The following ARMC3 variants were observed in gnomAD, a reference collection of about 807,000 sequenced individuals.
ARMC3 encodes armadillo repeat-containing protein 3.
Under a neutral mutation model 90.3 loss-of-function variants are expected in ARMC3, and 74 were observed. The observed-to-expected ratio is 0.82, with a 90% CI of 0.68 to 0.99. The LOEUF is 0.99. ARMC3 is among the 50% of genes least tolerant of loss of function. The pLI is 0.00. For synonymous variants in ARMC3, 334 were observed against 361.8 expected, an observed-to-expected ratio of 0.92 and a Z score of 0.87; for missense variants, 958 against 1,042.8, an observed-to-expected ratio of 0.92 and a Z score of 1.12.
Position 23,027,868 on chromosome 10 carries a change from C to T in ARMC3, c.2046-2728C>T, listed in dbSNP as rs188084808. Among the ~76,000 whole-genome samples the T allele has an allele frequency of 7.9e-5, 12 of 152,144 alleles. No individual in the cohort carries two copies. The East Asian group carries it at 9.6e-4, about 12-fold the overall frequency. On this transcript the variant is annotated intron_variant, in intron 16 of 18. Coordinates refer to ENST00000298032, the MANE Select transcript of ARMC3 (RefSeq NM_173081.5). ...CAATCTTTTGTTTTCTATCCAGGCA[C>T]GGTGGCTCAAACCTGTAATCGCAGC...
At chr10:22,934,275 G>T (rs941318446) in intron 2 of ARMC3, among the ~76,000 whole-genome samples, 9 of 152,132 alleles carry the variant, frequency 5.9e-5, no homozygotes, top group African/African-American at 1.9e-4. Context: ...AGAACAAAAA[G>T]CTCCCTTTGC....
At chr10:22,969,311 A>C (rs1835581674) in intron 8 of ARMC3, among the ~76,000 whole-genome samples, 1 of 152,218 alleles carries the variant, frequency 6.6e-6, no homozygotes, top group African/African-American at 2.4e-5. Context: ...GTTTTAATTT[A>C]TGTATATTTG....
At chr10:22,999,135 T>C (rs1345936298) in intron 11 of ARMC3, among the ~76,000 whole-genome samples, 1 of 150,212 alleles carries the variant, frequency 6.7e-6, no homozygotes, top group Non-Finnish European at 1.5e-5. Flanking sequence ...GGTTATTATA[T>C]GTACTCTTGT....
chr10:22,956,412 G>A (rs934474749), intron 4 of ARMC3, among the ~76,000 whole-genome samples: 2 of 152,106 alleles, frequency 1.3e-5, no homozygotes, highest in African/African-American at 4.8e-5. Flanking sequence ...AGACTAGCCT[G>A]GCCAAAATGG....
At chr10:22,935,969 A>G (rs1188856885) in intron 2 of ARMC3, among the ~76,000 whole-genome samples, 1 of 152,230 alleles carries the variant, frequency 6.6e-6, no homozygotes, top group Non-Finnish European at 1.5e-5. Flanking sequence ...CCACTGATGT[A>G]GTAAACATAT....
chr10:22,993,000 C>CAT (rs10637234), intron 10 of ARMC3, among the ~76,000 whole-genome samples: 135,661 of 152,174 alleles, frequency 0.89, 60,976 homozygotes, highest in African/African-American at 0.97. Context: ...CTCACGGAGA[C>CAT]ATGAAAAGTC....
At chr10:22,980,023 G>A (rs1440273245) in intron 8 of ARMC3, among the ~76,000 whole-genome samples, 1 of 152,060 alleles carries the variant, frequency 6.6e-6, no homozygotes, top group East Asian at 1.9e-4. Flanking sequence ...GAAAAAGGAC[G>A]ATTTTTTTTG....
At chr10:22,995,797 CCTT>C in intron 10 of ARMC3, among the ~76,000 whole-genome samples, 1 of 152,290 alleles carries the variant, frequency 6.6e-6, no homozygotes, top group South Asian at 2.1e-4. Context: ...CCTGCGAACT[CCTT>C]TAGTTTTCCA....
chr10:23,001,644 G>T (rs1837296056), intron 11 of ARMC3, among the ~76,000 whole-genome samples: 7 of 152,180 alleles, frequency 4.6e-5, no homozygotes, highest in Admixed American at 4.6e-4. Flanking sequence ...CGGGTGGGCA[G>T]TGAGAAGACA....
intron 7 of ARMC3, among the ~76,000 whole-genome samples, chr10:22,966,322 C>T (rs1236457824): frequency 6.6e-6 from 1 of 152,218 alleles, no homozygotes; most frequent in Non-Finnish European, 1.5e-5. Flanking sequence ...AAATGAGCTG[C>T]ACATGGATTG....
intron 13 of ARMC3, 65 bp from the exon 14 acceptor site, chr10:23,006,819 T>C: frequency 7.8e-7 from 1 of 1,275,890 alleles, no homozygotes; most frequent in Non-Finnish European, 1.1e-6. Flanking sequence ...ATATTCTATC[T>C]GTATTCATTT....
At chr10:22,989,609 T>G (rs1220202035) in intron 10 of ARMC3, among the ~76,000 whole-genome samples, 3 of 152,196 alleles carry the variant, frequency 2.0e-5, no homozygotes, top group Non-Finnish European at 2.9e-5. Context: ...AGGTTTTGTT[T>G]TGTATTAAGG....
chr10:22,976,134 G>GATATAAGT (rs1290536181), intron 8 of ARMC3, among the ~76,000 whole-genome samples: 1 of 152,198 alleles, frequency 6.6e-6, no homozygotes, highest in Non-Finnish European at 1.5e-5. Context: ...AGAGGAAGGT[G>GATATAAGT]ATATAAGTTC....
chr10:23,007,087 T>C, intron 14 of ARMC3, 106 bp downstream of exon 14: 1 of 874,192 alleles, frequency 1.1e-6, no homozygotes, highest in Non-Finnish European at 1.7e-6. Flanking sequence ...CCTTTTCTCC[T>C]GTATCTAGCA....
Position 23,008,850 on chromosome 10 carries a change from C to T in ARMC3, c.1964C>T (p.Ser655Phe). 2 of 1,613,046 alleles carry T rather than the reference C, an allele frequency of 1.2e-6. No homozygotes were observed. The highest frequency in any genetic ancestry group is 1.7e-6 in the Non-Finnish European group (2 of 1,179,516). ...NSYHFSAGFGSPIEDKSEPAS... is the reference protein window; with the variant it reads ...NSYHFSAGFGFPIEDKSEPAS... ...TATCATTTTAGTGCTGGATTTGGATCTCCCATAGAAGACAAATCAGAGCCA... is the reference window on the plus strand; with the variant it reads ...TATCATTTTAGTGCTGGATTTGGATTTCCCATAGAAGACAAATCAGAGCCA... The change falls in exon 16 of 19, where the codon TCT (serine) becomes TTT (phenylalanine). Residue 655 changes from serine (S) to phenylalanine (F), a missense_variant. Coordinates refer to ENST00000298032, the MANE Select transcript of ARMC3 (RefSeq NM_173081.5).
chr10:22,990,018 AAT>A (rs1836632483), intron 10 of ARMC3, among the ~76,000 whole-genome samples: 1 of 152,228 alleles, frequency 6.6e-6, no homozygotes, highest in Non-Finnish European at 1.5e-5. Flanking sequence ...TAAAATGTTC[AAT>A]TAGAAAATTA....
intron 2 of ARMC3, among the ~76,000 whole-genome samples, chr10:22,939,245 T>A (rs201768480): frequency 2.0e-5 from 3 of 152,090 alleles, no homozygotes; most frequent in African/African-American, 7.2e-5. Context: ...GTTTGCAGGG[T>A]AGAGTACCAA....
intron 14 of ARMC3, among the ~76,000 whole-genome samples, chr10:23,007,970 A>ATACC (rs1837707336): frequency 6.6e-6 from 1 of 152,014 alleles, no homozygotes; most frequent in Non-Finnish European, 1.5e-5. Context: ...TGGGTATGGT[A>ATACC]GCACATGCCT....
At chr10:23,010,459 C>T in intron 16 of ARMC3, among the ~76,000 whole-genome samples, 1 of 5,326 alleles carries the variant, frequency 1.9e-4, no homozygotes, top group East Asian at 2.0e-3. Flanking sequence ...CCTTTCCCTC[C>T]TCCCTCCTTC....
Sources: allele counts gnomAD v4.1 joint callset (sites outside exome capture counted in the v4.1 genomes callset), GRCh38; gene constraint gnomAD v4.1.1; transcripts MANE v1.5; gene names NCBI Gene and HGNC (gene_info 2026-07-23, HGNC 2026-07-21).